Variants in STK3 observed in about 807,000 individuals in gnomAD.
STK3 encodes serine/threonine-protein kinase 3.
In STK3, 41 loss-of-function variants were observed where a neutral mutation model predicts 58.0. That is an observed-to-expected ratio of 0.71 (90% CI 0.55 to 0.92). The LOEUF is 0.92. STK3 is among the 40% of genes least tolerant of loss of function. The pLI, the probability that STK3 is intolerant of heterozygous loss-of-function variation, is 0.00. For synonymous variants in STK3, 170 were observed against 191.0 expected (o/e 0.89, Z 0.91); for missense variants, 479 against 602.7 (o/e 0.79, Z 2.15).
chr8:98,782,359 A>C, intron 1 of STK3: 1 of 195,164 alleles, frequency 5.1e-6, no homozygotes, highest in Non-Finnish European at 1.1e-5. Flanking sequence ...TCAGCTGCTC[A>C]AAGATACTGT....
At chr8:98,734,462 T>C (rs1016535903) in intron 4 of STK3, among the ~76,000 whole-genome samples, 4 of 152,146 alleles carry the variant, frequency 2.6e-5, no homozygotes, top group African/African-American at 9.7e-5. Flanking sequence ...AATCAAAAAA[T>C]GGGCCTAAAT....
At chr8:98,824,308 C>T (rs1484261994) in intron 1 of STK3, among the ~76,000 whole-genome samples, 1 of 152,180 alleles carries the variant, frequency 6.6e-6, no homozygotes, top group Non-Finnish European at 1.5e-5. Flanking sequence ...TCTAATGTCT[C>T]CACAAGGGCA....
At chr8:98,501,026 A>G (rs1392263803) in intron 10 of STK3, among the ~76,000 whole-genome samples, 1 of 152,154 alleles carries the variant, frequency 6.6e-6, no homozygotes, top group Non-Finnish European at 1.5e-5. Flanking sequence ...ACTCCCAGCA[A>G]CAGTGTAAAA....
At chr8:98,602,908 G>T (rs1411294737) in intron 6 of STK3, among the ~76,000 whole-genome samples, 1 of 149,074 alleles carries the variant, frequency 6.7e-6, no homozygotes, top group Non-Finnish European at 1.5e-5. Flanking sequence ...GAACTTGGAA[G>T]TACCAAATAT....
At position 98,596,139 on chromosome 8, in the gene STK3, G is replaced by C; in HGVS notation, c.715C>G (p.Pro239Ala). The change falls in exon 7 of 11, where the codon CCA (proline) becomes GCA (alanine). Residue 239 changes from proline to alanine, a missense_variant. This residue lies in a region of STK3 where 309 missense variants were observed against 355.7 expected (regional missense o/e 0.87). Coordinates refer to ENST00000419617, the MANE Select transcript of STK3 (RefSeq NM_006281.4). ...CAAAGTTCTGGCTTTCTGAATGTTG[G>C]TGGTGGATTTGTGGGAATCATAAAA... ...AIFMIPTNPP[P>A]TFRKPELWSD... 6.2e-7 allele frequency: 1 copy of C among 1,612,924 alleles called. No homozygotes were observed. Among genetic ancestry groups the C allele is most frequent in the East Asian group, 2.2e-5 (1 of 44,880 alleles).
At chr8:98,347,331 G>A in the STK3 span, among the ~76,000 whole-genome samples, 5 of 151,748 alleles carry the variant, frequency 3.3e-5, no homozygotes, top group East Asian at 7.7e-4. Context: ...TGCCTAACAC[G>A]GTGAAACCCC....
chr8:98,707,224 T>C lies in STK3; in HGVS notation c.439A>G (p.Ile147Val), dbSNP rs1473249180. 2 of 1,610,238 alleles carry C rather than the reference T, an allele frequency of 1.2e-6. No homozygotes were observed. Among genetic ancestry groups the C allele is most frequent in the Admixed American group, 1.7e-5 (1 of 59,576 alleles). Residue 147 changes from isoleucine to valine, a missense_variant, in exon 5 of 11, where the codon ATA (isoleucine) becomes GTA (valine). Coordinates refer to ENST00000419617, the MANE Select transcript of STK3 (RefSeq NM_006281.4). ...TTGAGGAGAATATTTCCAGCTTTTATATCTCTGTGTATTTTTCTCATAAAG... is the reference window on the plus strand; with the variant it reads ...TTGAGGAGAATATTTCCAGCTTTTACATCTCTGTGTATTTTTCTCATAAAG... ...LHFMRKIHRD[I>V]KAGNILLNTE...
At position 98,428,683 on chromosome 8, in the gene STK3, T is replaced by C; in HGVS notation, n.483+5444A>G. Reference sequence around the variant, plus strand: ...TTCGAAATCGTGGAGCACTTTGGCATTGCCTGGTTCACATTTGAGCTGGTG... The same window carrying C: ...TTCGAAATCGTGGAGCACTTTGGCACTGCCTGGTTCACATTTGAGCTGGTG... On this transcript the variant is annotated intron_variant and non_coding_transcript_variant, in intron 3 of 3. Coordinates refer to the STK3 transcript ENST00000517832. The surrounding 1 kb of genome is among the most constrained non-coding windows in gnomAD (Gnocchi z 6.7). 6.2e-7 allele frequency: 1 copy of C among 1,614,238 alleles called. No individual in the cohort carries two copies. The highest frequency in any genetic ancestry group is 8.5e-7 in the Non-Finnish European group (1 of 1,180,048).
At chr8:98,474,240 T>C (rs1821140447) in intron 10 of STK3, among the ~76,000 whole-genome samples, 1 of 152,182 alleles carries the variant, frequency 6.6e-6, no homozygotes, top group Non-Finnish European at 1.5e-5. Flanking sequence ...GCTTCCTAAC[T>C]AGTTTCCTTC....
At position 98,711,709 on chromosome 8, in the gene STK3, C is replaced by T. The variant is rs557127396; in HGVS notation, c.352-4398G>A. Among the ~76,000 whole-genome samples the T allele has an allele frequency of 2.4e-4, 37 of 152,194 alleles. No individual in the cohort carries two copies. The Middle Eastern group carries it at 0.02, about 84-fold the overall frequency. On this transcript the variant is annotated intron_variant, in intron 4 of 10. Transcript: ENST00000419617. Reference sequence around the variant, plus strand: ...AATGAAACCAAGTTGGAAAACACTCCGCAGGATATCATCCAGGAGAACTTC... The same window carrying T: ...AATGAAACCAAGTTGGAAAACACTCTGCAGGATATCATCCAGGAGAACTTC...
chr8:98,632,644 C>G (rs867381849), intron 6 of STK3, among the ~76,000 whole-genome samples: 1 of 152,106 alleles, frequency 6.6e-6, no homozygotes, highest in Non-Finnish European at 1.5e-5. Context: ...AGATGTTAAC[C>G]TAAATGATTT....
chr8:98,695,480 G>C (rs1824820119), intron 6 of STK3, among the ~76,000 whole-genome samples: 1 of 152,124 alleles, frequency 6.6e-6, no homozygotes, highest in African/African-American at 2.4e-5. Context: ...ATGGTTTTAG[G>C]TCTAACGTTT....
intron 7 of STK3, among the ~76,000 whole-genome samples, chr8:98,587,778 G>T (rs1814792570): frequency 6.6e-6 from 1 of 152,048 alleles, no homozygotes; most frequent in Admixed American, 6.6e-5. Flanking sequence ...GAATCTGGGT[G>T]CTCCTGTGTT....
intron 2 of STK3, among the ~76,000 whole-genome samples, chr8:98,377,064 A>T (rs1817683212): frequency 6.6e-6 from 1 of 151,496 alleles, no homozygotes. Context: ...TACCTGGAAG[A>T]CTCTTCTTCC....
intron 6 of STK3, among the ~76,000 whole-genome samples, chr8:98,691,766 TA>T (rs1207798568): frequency 2.0e-5 from 3 of 151,962 alleles, no homozygotes; most frequent in African/African-American, 7.3e-5. Context: ...ACCCCGTCTC[TA>T]CTAAAAATAC....
intron 4 of STK3, among the ~76,000 whole-genome samples, chr8:98,732,237 T>C (rs2131254295): frequency 6.6e-6 from 1 of 152,226 alleles, no homozygotes; most frequent in East Asian, 1.9e-4. Context: ...TTTCCAAAGC[T>C]GAAGACAGAC....
intron 3 of STK3, among the ~76,000 whole-genome samples, chr8:98,847,763 A>C (rs903427378): frequency 2.0e-5 from 3 of 151,744 alleles, no homozygotes; most frequent in Non-Finnish European, 4.4e-5. Context: ...ATTTCTTCCT[A>C]ATTATGTGCT....
At chr8:98,850,480 A>G (rs1011020760) in intron 3 of STK3, among the ~76,000 whole-genome samples, 1 of 152,204 alleles carries the variant, frequency 6.6e-6, no homozygotes, top group Non-Finnish European at 1.5e-5. Flanking sequence ...AGGTAAGCTC[A>G]TGGGGCTTAC....
intron 3 of STK3, among the ~76,000 whole-genome samples, chr8:98,846,230 T>C (rs1836194050): frequency 6.6e-6 from 1 of 152,166 alleles, no homozygotes; most frequent in Non-Finnish European, 1.5e-5. Flanking sequence ...GAAGTCTCAT[T>C]AGTATGGGGT....
Sources: gnomAD v4.1 joint callset for allele counts (sites outside exome capture counted in the v4.1 genomes callset) on GRCh38, gnomAD v4.1.1 for gene constraint, gnomAD v4.1.1 regional missense constraint, Gnocchi (gnomAD v3.1) non-coding constraint, MANE v1.5 for transcripts, NCBI Gene and HGNC (gene_info 2026-07-23, HGNC 2026-07-21) for gene names.